AGBL1: variants seen among roughly 807,000 people sequenced by gnomAD.
AGBL1 encodes the protein cytosolic carboxypeptidase 4.
In AGBL1, 130 loss-of-function variants were observed where a neutral mutation model predicts 118.9. That is an observed-to-expected ratio of 1.09 (90% CI 0.95 to 1.26). The LOEUF (loss-of-function observed/expected upper bound fraction) is 1.26, where lower values mean the gene tolerates loss of function less well. Among genes scored for constraint, AGBL1 ranks in the 50% most tolerant of loss-of-function variants. The pLI is 0.00. For synonymous variants in AGBL1, 555 were observed against 478.9 expected, an observed-to-expected ratio of 1.16 and a Z score of -2.08; for missense variants, 1,584 against 1,298.1, an observed-to-expected ratio of 1.22 and a Z score of -3.38.
In AGBL1 at chr15:86,599,743, T is replaced by C. The variant is rs114128791; in HGVS notation, c.2994+45206T>C. 8.6e-3 allele frequency among the ~76,000 whole-genome samples: 1,310 copies of C among 152,228 alleles called. 23 individuals are homozygous for C. Among genetic ancestry groups the C allele is most frequent in the African/African-American group, 0.03 (1,246 of 41,552 alleles). ...TTATTCCCCGATTCCTCAGATGGAT[T>C]CCCATTTGGATAATCATCAGCCCCA... On this transcript the variant is annotated intron_variant, in intron 21 of 22. Transcript: ENST00000614907.
chr15:86,111,148 C>T (rs1373374636), intron 1 of AGBL1, among the ~76,000 whole-genome samples: 1 of 152,210 alleles, frequency 6.6e-6, no homozygotes, highest in Admixed American at 6.5e-5. Context: ...CTGAGCGTCT[C>T]CTGTTTTTGA....
intron 17 of AGBL1, among the ~76,000 whole-genome samples, chr15:86,389,976 C>T (rs113176662): frequency 0.024 from 3,659 of 152,124 alleles, 59 homozygotes; most frequent in Middle Eastern, 0.068. Context: ...TAAGATAAAA[C>T]AGTGCTAGAC....
At chr15:86,481,452 C>T (rs1263130694) in intron 18 of AGBL1, among the ~76,000 whole-genome samples, 3 of 152,052 alleles carry the variant, frequency 2.0e-5, no homozygotes, top group African/African-American at 7.2e-5. Context: ...TTTCTGCGTT[C>T]TTTTATTATT....
chr15:86,586,300 G>A (rs1057227403), intron 21 of AGBL1, among the ~76,000 whole-genome samples: 18 of 152,130 alleles, frequency 1.2e-4, no homozygotes, highest in African/African-American at 4.3e-4. Flanking sequence ...TTATTTAAGT[G>A]TTTGCCATTA....
intron 24 of AGBL1, among the ~76,000 whole-genome samples, chr15:87,008,749 G>A (rs543110628): frequency 1.4e-4 from 21 of 152,310 alleles, no homozygotes; most frequent in Admixed American, 1.3e-3. Flanking sequence ...CAGATGGAGA[G>A]GAGGAACTTG....
intron 18 of AGBL1, among the ~76,000 whole-genome samples, chr15:86,475,171 C>T (rs568119079): frequency 6.6e-6 from 1 of 152,298 alleles, no homozygotes; most frequent in South Asian, 2.1e-4. Context: ...GAGTGCCTCT[C>T]CCCCTCCAAA....
chr15:86,774,972 T>G (rs771106993), intron 22 of AGBL1, among the ~76,000 whole-genome samples: 8 of 152,196 alleles, frequency 5.3e-5, no homozygotes, highest in Non-Finnish European at 8.8e-5. Flanking sequence ...AGCAAACTCA[T>G]GTTTGTACTT....
chr15:86,948,213 G>C (rs1391813402), intron 23 of AGBL1, among the ~76,000 whole-genome samples: 1 of 152,042 alleles, frequency 6.6e-6, no homozygotes, highest in Non-Finnish European at 1.5e-5. Flanking sequence ...CAGGCAATAA[G>C]CTGCAGACTG....
At chr15:87,022,664 T>A (rs950312092) in intron 24 of AGBL1, among the ~76,000 whole-genome samples, 5 of 152,014 alleles carry the variant, frequency 3.3e-5, no homozygotes, top group African/African-American at 4.8e-5. Context: ...TCGGGTTATA[T>A]AAGTTAAGAC....
At chr15:86,727,692 A>G (rs982125165) in intron 22 of AGBL1, among the ~76,000 whole-genome samples, 2 of 152,268 alleles carry the variant, frequency 1.3e-5, no homozygotes, top group African/African-American at 4.8e-5. Flanking sequence ...GATATTTTCC[A>G]TAGGCAGAAG....
intron 17 of AGBL1, among the ~76,000 whole-genome samples, chr15:86,315,337 G>A (rs1323517606): frequency 6.6e-6 from 1 of 152,156 alleles, no homozygotes; most frequent in African/African-American, 2.4e-5. Context: ...GGTATTGACT[G>A]TTGGGCAACC....
intron 18 of AGBL1, among the ~76,000 whole-genome samples, chr15:86,484,663 A>C (rs981954210): frequency 3.3e-5 from 5 of 152,082 alleles, no homozygotes; most frequent in African/African-American, 1.2e-4. Context: ...CTACTGCCTG[A>C]GTAGGAAATG....
chr15:86,827,409 GTGTATATA>G (rs2079034466), intron 22 of AGBL1, among the ~76,000 whole-genome samples: 1 of 5,270 alleles, frequency 1.9e-4, no homozygotes, highest in East Asian at 0.028. Context: ...ATATATATAT[GTGTATATA>G]TATATATATA....
At chr15:86,901,215 C>G (rs955190287) in intron 22 of AGBL1, among the ~76,000 whole-genome samples, 2 of 152,042 alleles carry the variant, frequency 1.3e-5, no homozygotes, top group South Asian at 4.1e-4. Flanking sequence ...ATTTCTGTTT[C>G]ATTTCTAAAA....
intron 22 of AGBL1, among the ~76,000 whole-genome samples, chr15:86,755,434 C>T (rs1323652708): frequency 6.6e-6 from 1 of 152,076 alleles, no homozygotes; most frequent in African/African-American, 2.4e-5. Flanking sequence ...GTGAAAAGCA[C>T]AGCTAAAGTT....
chr15:86,473,909 G>T (rs2082516253), intron 18 of AGBL1, among the ~76,000 whole-genome samples: 2 of 152,146 alleles, frequency 1.3e-5, no homozygotes, highest in South Asian at 4.1e-4. Context: ...TTGGAAAATT[G>T]TGTGGACTTG....
At chr15:86,175,109 A>G (rs2077465077) in intron 5 of AGBL1, among the ~76,000 whole-genome samples, 1 of 152,188 alleles carries the variant, frequency 6.6e-6, no homozygotes, top group East Asian at 1.9e-4. Flanking sequence ...GTTTGGTAGA[A>G]TTCATCAGTA....
At position 86,858,463 on chromosome 15, in the gene AGBL1, G is replaced by GGTGTGTGTGTGTGT. The variant is rs3059715; in HGVS notation, c.3159-48603_3159-48590dup. On this transcript the variant is annotated intron_variant, in intron 22 of 22. Transcript: ENST00000614907. ...AGTTCTCAGTTCACACCTTTCAGGT[G>GGTGTGTGTGTGTGT]GTGTGTGTGTGTGTGTGTGTGTGTG... Among the ~76,000 whole-genome samples, 226 of 147,166 alleles carry GGTGTGTGTGTGTGT rather than the reference G, an allele frequency of 1.5e-3. 2 individuals carry two copies. The highest frequency in any genetic ancestry group is 0.011 in the East Asian group (53 of 4,888).
At chr15:86,168,499 C>G (rs1199769814) in intron 5 of AGBL1, among the ~76,000 whole-genome samples, 2 of 152,018 alleles carry the variant, frequency 1.3e-5, no homozygotes, top group Non-Finnish European at 2.9e-5. Flanking sequence ...GAAATGTGAA[C>G]TAAGATTTAT....
Sources: gnomAD v4.1 joint callset for allele counts (sites outside exome capture counted in the v4.1 genomes callset) on GRCh38, gnomAD v4.1.1 for gene constraint, MANE v1.5 for transcripts, NCBI Gene and HGNC (gene_info 2026-07-23, HGNC 2026-07-21) for gene names.